Variants in CREB3L1 observed in about 807,000 individuals in gnomAD.
The protein encoded by CREB3L1 is cAMP responsive element binding protein 3 like 1.
CREB3L1 carries 33 observed loss-of-function variants against 54.5 expected under a neutral mutation model. That is an observed-to-expected ratio of 0.61 (90% CI 0.46 to 0.81). The LOEUF is 0.81. Among genes scored for constraint, CREB3L1 ranks in the 30% least tolerant of loss-of-function variants. The pLI, the probability that CREB3L1 is intolerant of heterozygous loss-of-function variation, is 0.00. For missense variants in CREB3L1, 656 were observed against 673.3 expected, an observed-to-expected ratio of 0.97 and a Z score of 0.29; for synonymous variants, 284 against 286.4, an observed-to-expected ratio of 0.99 and a Z score of 0.08.
chr11:46,279,190 C>T (rs1938931482), intron 1 of CREB3L1, among the ~76,000 whole-genome samples: 1 of 151,962 alleles, frequency 6.6e-6, no homozygotes, highest in Non-Finnish European at 1.5e-5. Context: ...ACACACACAC[C>T]CTGTGATCAA....
chr11:46,309,358 T>C (rs1210310103), intron 3 of CREB3L1, among the ~76,000 whole-genome samples: 2 of 152,234 alleles, frequency 1.3e-5, no homozygotes, highest in Non-Finnish European at 2.9e-5. Context: ...TAGTCATGTG[T>C]ACAAAGCCAT....
intron 1 of CREB3L1, 113 bp from the exon 2 acceptor site, chr11:46,299,822 G>A (rs982823359): frequency 2.7e-6 from 2 of 730,950 alleles, no homozygotes; most frequent in Non-Finnish European, 4.9e-6. Context: ...AGTAATGGGA[G>A]GTTGCAGGGA....
chr11:46,311,209 C>A lies in CREB3L1; in HGVS notation c.753+20C>A. On this transcript the variant is annotated intron_variant, in intron 5 of 11. Transcript: ENST00000621158. ...CCTCACGTAAGGAGCTGGGGGTGGG[C>A]TGATCCCAGAAATGAGGAATTGAAT... 6.5e-7 allele frequency: 1 copy of A among 1,534,830 alleles called. No individual in the cohort carries two copies.
intron 2 of CREB3L1, among the ~76,000 whole-genome samples, chr11:46,305,676 GTGTGTGTGTATATA>G (rs1270301505): frequency 0.018 from 2,160 of 118,974 alleles, 34 homozygotes; most frequent in African/African-American, 0.045. Flanking sequence ...ATATATATGT[GTGTGTGTGTATATA>G]TGTGTGTGTG....
At chr11:46,309,063 G>A (rs1328520589) in intron 3 of CREB3L1, among the ~76,000 whole-genome samples, 1 of 152,184 alleles carries the variant, frequency 6.6e-6, no homozygotes, top group Non-Finnish European at 1.5e-5. Context: ...CGCGAGTGAG[G>A]TCATAACCCC....
intron 1 of CREB3L1, among the ~76,000 whole-genome samples, chr11:46,294,760 C>G (rs1258573851): frequency 6.6e-6 from 1 of 152,128 alleles, no homozygotes; most frequent in Non-Finnish European, 1.5e-5. Context: ...GTGACTCAGA[C>G]TGAAGGCCCT....
chr11:46,310,976 G>A, intron 4 of CREB3L1, 56 bp from the exon 5 acceptor site: 1 of 1,506,300 alleles, frequency 6.6e-7, no homozygotes, highest in Non-Finnish European at 8.9e-7. Context: ...AACTCATGAT[G>A]TCCAAGTGGA....
At chr11:46,286,483 A>T (rs1204026675) in intron 1 of CREB3L1, among the ~76,000 whole-genome samples, 1 of 152,200 alleles carries the variant, frequency 6.6e-6, no homozygotes, top group Non-Finnish European at 1.5e-5. Flanking sequence ...AAATTAATAC[A>T]TGGAAACTTA....
At chr11:46,316,481 C>T in intron 9 of CREB3L1, 96 bp downstream of exon 9, 1 of 800,344 alleles carries the variant, frequency 1.2e-6, no homozygotes, top group Non-Finnish European at 2.1e-6. Flanking sequence ...GGATCGGTAA[C>T]ATCGTGGGCA....
At chr11:46,314,868 C>T (rs937275961) in intron 8 of CREB3L1, among the ~76,000 whole-genome samples, 9 of 151,956 alleles carry the variant, frequency 5.9e-5, no homozygotes, top group African/African-American at 1.2e-4. Flanking sequence ...CCACCACACC[C>T]GGCTAATTTT....
intron 5 of CREB3L1, among the ~76,000 whole-genome samples, chr11:46,311,957 A>C (rs746784331): frequency 3.9e-5 from 6 of 152,138 alleles, no homozygotes; most frequent in Non-Finnish European, 5.9e-5. Context: ...CCCAGGAAAC[A>C]TGGAGCTAGG....
chr11:46,314,380 A>G, intron 8 of CREB3L1, among the ~76,000 whole-genome samples: 1 of 151,986 alleles, frequency 6.6e-6, no homozygotes, highest in African/African-American at 2.4e-5. Flanking sequence ...TTCTTCTTTC[A>G]TTATTTTTAT....
intron 1 of CREB3L1, among the ~76,000 whole-genome samples, chr11:46,290,724 G>A (rs1939117513): frequency 6.7e-6 from 1 of 149,838 alleles, no homozygotes; most frequent in African/African-American, 2.4e-5. Context: ...CCCAGGGAGA[G>A]ATGAAAGAGG....
At chr11:46,311,796 A>T (rs1415278624) in intron 5 of CREB3L1, among the ~76,000 whole-genome samples, 1 of 152,202 alleles carries the variant, frequency 6.6e-6, no homozygotes, top group Non-Finnish European at 1.5e-5. Flanking sequence ...GCATCTGGTC[A>T]GGAATTCAAA....
intron 2 of CREB3L1, among the ~76,000 whole-genome samples, chr11:46,304,098 T>C (rs1939340568): frequency 6.6e-6 from 1 of 152,248 alleles, no homozygotes; most frequent in African/African-American, 2.4e-5. Context: ...GGACCTGGTC[T>C]TGAGTGAATT....
intron 1 of CREB3L1, among the ~76,000 whole-genome samples, chr11:46,289,549 T>C (rs141304084): frequency 6.6e-6 from 1 of 152,296 alleles, no homozygotes; most frequent in East Asian, 1.9e-4. Flanking sequence ...CTCTTCAAGC[T>C]TGGTGATCAG....
intron 3 of CREB3L1, among the ~76,000 whole-genome samples, chr11:46,309,447 T>G (rs1939452247): frequency 6.6e-6 from 1 of 152,224 alleles, no homozygotes; most frequent in Non-Finnish European, 1.5e-5. Flanking sequence ...AAAATGTCCA[T>G]CTGATTCTAT....
At chr11:46,283,697 CAG>C (rs974786904) in intron 1 of CREB3L1, among the ~76,000 whole-genome samples, 14 of 151,792 alleles carry the variant, frequency 9.2e-5, no homozygotes, top group Non-Finnish European at 1.5e-4. Flanking sequence ...CTGGGCAACA[CAG>C]AAAGACTCCG....
At chr11:46,293,821 G>A (rs562486343) in intron 1 of CREB3L1, among the ~76,000 whole-genome samples, 10 of 152,300 alleles carry the variant, frequency 6.6e-5, no homozygotes, top group South Asian at 4.1e-4. Flanking sequence ...GCGAGTATGC[G>A]TGACCATGTC....
Sources: allele counts gnomAD v4.1 joint callset (sites outside exome capture counted in the v4.1 genomes callset), GRCh38; gene constraint gnomAD v4.1.1; transcripts MANE v1.5; gene names NCBI Gene and HGNC (gene_info 2026-07-23, HGNC 2026-07-21).